ST8SIA2: variants seen among roughly 807,000 people sequenced by gnomAD.
ST8SIA2 encodes the protein alpha-2,8-sialyltransferase 8B.
ST8SIA2 carries 22 observed loss-of-function variants against 37.6 expected under a neutral mutation model. That is an observed-to-expected ratio of 0.58 (90% CI 0.42 to 0.83). The LOEUF (loss-of-function observed/expected upper bound fraction) is 0.83, where lower values mean the gene tolerates loss of function less well. Ranked by LOEUF, ST8SIA2 falls within the 40% of genes least tolerant of loss-of-function variation. The pLI is 0.00. For synonymous variants in ST8SIA2, 205 were observed against 201.2 expected, an observed-to-expected ratio of 1.02 and a Z score of -0.16; for missense variants, 382 against 484.7, an observed-to-expected ratio of 0.79 and a Z score of 1.99.
intron 1 of ST8SIA2, among the ~76,000 whole-genome samples, chr15:92,398,947 A>G (rs2124358): frequency 0.14 from 20,981 of 152,186 alleles, 2,202 homozygotes; most frequent in East Asian, 0.44. Context: ...AGTCATTTAG[A>G]AAGACAGAAG....
intron 1 of ST8SIA2, among the ~76,000 whole-genome samples, chr15:92,400,288 A>G (rs1394318356): frequency 6.6e-6 from 1 of 152,106 alleles, no homozygotes; most frequent in Non-Finnish European, 1.5e-5. Context: ...TTTCACAATT[A>G]TATTTTATTT....
At chr15:92,450,897 G>C (rs1015317846) in intron 5 of ST8SIA2, among the ~76,000 whole-genome samples, 3 of 152,178 alleles carry the variant, frequency 2.0e-5, no homozygotes, top group Non-Finnish European at 2.9e-5. Context: ...GGAGAAATAG[G>C]AACCCTTCTG....
chr15:92,424,873 A>G lies in ST8SIA2; in HGVS notation c.99-5176A>G, dbSNP rs561615145. Reference sequence around the variant, plus strand: ...GTGATCCACCCGCCTCAGCCTCCCAAAGTAAAAATTGACATTCTAAAATGT... The same window carrying G: ...GTGATCCACCCGCCTCAGCCTCCCAGAGTAAAAATTGACATTCTAAAATGT... On this transcript the variant is annotated intron_variant, in intron 1 of 5. Transcript: ENST00000268164. 2.0e-5 allele frequency among the ~76,000 whole-genome samples: 3 copies of G among 152,316 alleles called. No homozygotes were observed. The South Asian group carries it at 6.2e-4, about 32-fold the overall frequency.
chr15:92,433,179 C>A (rs1397406271), intron 2 of ST8SIA2, among the ~76,000 whole-genome samples: 2 of 151,882 alleles, frequency 1.3e-5, no homozygotes, highest in Non-Finnish European at 2.9e-5. Flanking sequence ...GTTTAGAACT[C>A]ACTAACAGGA....
intron 3 of ST8SIA2, among the ~76,000 whole-genome samples, chr15:92,436,472 T>G (rs573142988): frequency 6.6e-6 from 1 of 152,330 alleles, no homozygotes; most frequent in East Asian, 1.9e-4. Flanking sequence ...ATCACCAAGA[T>G]TATTCATAAT....
chr15:92,443,034 C>T (rs894542937), intron 4 of ST8SIA2, among the ~76,000 whole-genome samples: 5 of 152,140 alleles, frequency 3.3e-5, no homozygotes, highest in Non-Finnish European at 5.9e-5. Flanking sequence ...GTGCCTGGCA[C>T]ACACCAGGGG....
At position 92,414,428 on chromosome 15, in the gene ST8SIA2, C is replaced by G. The variant is rs181497577; in HGVS notation, c.99-15621C>G. 5.2e-3 allele frequency among the ~76,000 whole-genome samples: 788 copies of G among 152,310 alleles called. 7 individuals carry two copies. The highest frequency in any genetic ancestry group is 0.017 in the African/African-American group (711 of 41,556). On this transcript the variant is annotated intron_variant, in intron 1 of 5. Coordinates refer to ENST00000268164, the MANE Select transcript of ST8SIA2 (RefSeq NM_006011.4). Reference sequence around the variant, plus strand: ...TGACTCATCTCAGGTTCTGACAAGCCCCTACCCCAACCTCACCTTTGCACC... The same window carrying G: ...TGACTCATCTCAGGTTCTGACAAGCGCCTACCCCAACCTCACCTTTGCACC...
chr15:92,433,175 A>T lies in ST8SIA2; in HGVS notation c.162-1072A>T, dbSNP rs193188732. Among the ~76,000 whole-genome samples, 693 of 152,166 alleles carry T rather than the reference A, an allele frequency of 4.6e-3. 1 individual carries two copies. The highest frequency in any genetic ancestry group is 0.013 in the East Asian group (65 of 5,174). On this transcript the variant is annotated intron_variant, in intron 2 of 5. Coordinates refer to ENST00000268164, the MANE Select transcript of ST8SIA2 (RefSeq NM_006011.4). ...AGTCAAAGTGGAGCGTCAGGTTTAG[A>T]ACTCACTAACAGGATTTCATCTTTT...
chr15:92,402,795 G>A (rs979439568), intron 1 of ST8SIA2, among the ~76,000 whole-genome samples: 4 of 152,042 alleles, frequency 2.6e-5, no homozygotes, highest in Non-Finnish European at 4.4e-5. Context: ...TTCCCCGCAC[G>A]GAGTCTCATC....
At chr15:92,442,721 T>C (rs2049812089) in intron 4 of ST8SIA2, among the ~76,000 whole-genome samples, 1 of 152,184 alleles carries the variant, frequency 6.6e-6, no homozygotes, top group Non-Finnish European at 1.5e-5. Flanking sequence ...CAAGGGCTCC[T>C]GAAGGTGAAT....
chr15:92,440,990 T>C (rs2049797445), intron 4 of ST8SIA2, among the ~76,000 whole-genome samples: 1 of 152,202 alleles, frequency 6.6e-6, no homozygotes, highest in African/African-American at 2.4e-5. Context: ...TGTGTCCATC[T>C]CTGGGCCTCC....
intron 1 of ST8SIA2, among the ~76,000 whole-genome samples, chr15:92,414,909 T>C (rs1210669700): frequency 5.9e-5 from 9 of 152,226 alleles, no homozygotes; most frequent in Admixed American, 5.9e-4. Context: ...AACACATATT[T>C]GGGCTTTCCC....
intron 1 of ST8SIA2, among the ~76,000 whole-genome samples, chr15:92,396,684 G>T (rs2049434509): frequency 6.6e-6 from 1 of 152,004 alleles, no homozygotes; most frequent in Admixed American, 6.5e-5. Context: ...ATTAGAGACG[G>T]GGTTTCACCA....
rs529209939 is a variant in ST8SIA2 at position 92,447,141 on chromosome 15, G to T, written c.842+2212G>T. 2.3e-4 allele frequency among the ~76,000 whole-genome samples: 35 copies of T among 152,322 alleles called. 1 individual carries two copies. Among genetic ancestry groups the T allele is most frequent in the Admixed American group, 2.3e-3 (35 of 15,304 alleles). ...GGATTATGGCATGGGATATCTAAGA[G>T]TTGGTCAGATTTGCTATAAAATTTT... On this transcript the variant is annotated intron_variant, in intron 5 of 5. Coordinates refer to ENST00000268164, the MANE Select transcript of ST8SIA2 (RefSeq NM_006011.4).
intron 5 of ST8SIA2, among the ~76,000 whole-genome samples, chr15:92,462,877 G>A (rs972461245): frequency 3.9e-5 from 6 of 152,224 alleles, no homozygotes; most frequent in Non-Finnish European, 8.8e-5. Flanking sequence ...ATCAGCATGC[G>A]TTCTGAGTCC....
At chr15:92,446,212 C>G (rs1171337442) in intron 5 of ST8SIA2, among the ~76,000 whole-genome samples, 1 of 152,160 alleles carries the variant, frequency 6.6e-6, no homozygotes, top group Non-Finnish European at 1.5e-5. Context: ...CCATGCGTCT[C>G]TCTCTCTTTA....
chr15:92,407,342 C>T (rs1220902704), intron 1 of ST8SIA2, among the ~76,000 whole-genome samples: 1 of 152,126 alleles, frequency 6.6e-6, no homozygotes, highest in Non-Finnish European at 1.5e-5. Flanking sequence ...AGATCTTAAC[C>T]GAGGGTTGAA....
intron 1 of ST8SIA2, among the ~76,000 whole-genome samples, chr15:92,397,650 C>A (rs114014289): frequency 6.6e-6 from 1 of 152,322 alleles, no homozygotes; most frequent in African/African-American, 2.4e-5. Context: ...AAGCTAAAAT[C>A]TTCTGATTGT....
intron 2 of ST8SIA2, among the ~76,000 whole-genome samples, chr15:92,433,829 C>T (rs2049734697): frequency 2.0e-5 from 3 of 152,188 alleles, no homozygotes; most frequent in Non-Finnish European, 2.9e-5. Flanking sequence ...ATGACATTGT[C>T]CTGGTATGAG....
Sources: allele counts gnomAD v4.1 joint callset (sites outside exome capture counted in the v4.1 genomes callset), GRCh38; gene constraint gnomAD v4.1.1; transcripts MANE v1.5; gene names NCBI Gene and HGNC (gene_info 2026-07-23, HGNC 2026-07-21).